The following HERC1 variants were observed in gnomAD, a reference collection of about 807,000 sequenced individuals.
HERC1 encodes HECT and RLD domain containing E3 ubiquitin protein ligase family member 1, also known as probable E3 ubiquitin-protein ligase HERC1.
Under a neutral mutation model 554.3 loss-of-function variants are expected in HERC1, and 160 were observed. The observed-to-expected ratio is 0.29, with a 90% CI of 0.25 to 0.33. The LOEUF (loss-of-function observed/expected upper bound fraction) is 0.33, where lower values mean the gene tolerates loss of function less well. Ranked by LOEUF, HERC1 falls within the 10% of genes least tolerant of loss-of-function variation. The pLI, the probability that HERC1 is intolerant of heterozygous loss-of-function variation, is 1.00. For synonymous variants in HERC1, 2,175 were observed against 2,131.7 expected (o/e 1.02, Z -0.56); for missense variants, 4,919 against 5,918.5 (o/e 0.83, Z 5.54).
intron 1 of HERC1, among the ~76,000 whole-genome samples, chr15:63,817,639 C>A (rs2077535922): frequency 6.6e-6 from 1 of 152,138 alleles, no homozygotes; most frequent in Non-Finnish European, 1.5e-5. Context: ...CGCTTGAACC[C>A]AGGAGTTGGA....
At chr15:63,685,638 T>G (rs1426755755) in intron 34 of HERC1, among the ~76,000 whole-genome samples, 1 of 152,208 alleles carries the variant, frequency 6.6e-6, no homozygotes, top group Non-Finnish European at 1.5e-5. Context: ...AAGGCATAAC[T>G]GAAGTCAATA....
chr15:63,754,554 A>G lies in HERC1; in HGVS notation c.1725T>C (p.Ala575=). Residue 575 remains alanine (A), a synonymous_variant, in exon 7 of 78, where the codon GCT becomes GCC. Coordinates refer to ENST00000443617, the MANE Select transcript of HERC1 (RefSeq NM_003922.4). ...ATACAGTTCTCCCATCTTTAGACAG[A>G]GCAATAGTATGTGAACTGCCACAAG... The part of the protein sequence containing the change: ...EVSCGSSHTI[A]LSKDGRTVWS... 1.2e-6 allele frequency: 2 copies of G among 1,613,658 alleles called. No individual in the cohort carries two copies. Among genetic ancestry groups the G allele is most frequent in the South Asian group, 1.1e-5 (1 of 91,060 alleles).
chr15:63,699,074 C>A, intron 25 of HERC1, 78 bp from the exon 26 acceptor site: 1 of 1,291,144 alleles, frequency 7.7e-7, no homozygotes, highest in East Asian at 2.3e-5. Flanking sequence ...AGGCTGAGTG[C>A]TGCTACCATA....
chr15:63,750,765 C>G (rs1447772719), intron 8 of HERC1, among the ~76,000 whole-genome samples: 1 of 151,886 alleles, frequency 6.6e-6, no homozygotes, highest in Non-Finnish European at 1.5e-5. Flanking sequence ...GACCCGATCT[C>G]CACAAAAATT....
chr15:63,749,493 C>T lies in HERC1; in HGVS notation c.2093G>A (p.Gly698Asp). Residue 698 changes from glycine to aspartate, a missense_variant, in exon 10 of 78, where the codon GGT (glycine) becomes GAT (aspartate). Gly to Asp is a moderately conservative substitution (Grantham distance 94). Around this residue, in one of 11 missense-constraint regions of HERC1, gnomAD observed 744 missense variants for 1,090.0 expected, o/e 0.68. Transcript: ENST00000443617. The surrounding 1 kb of genome is among the most constrained non-coding windows in gnomAD (Gnocchi z 4.1). ...AATAGGACCTGTGGAATTTCCCTGACCACATTGCCCCATTGAGTTATTGCC... is the reference window on the plus strand; with the variant it reads ...AATAGGACCTGTGGAATTTCCCTGATCACATTGCCCCATTGAGTTATTGCC... ...AWGNNSMGQC[G>D]QGNSTGPITK... 1.2e-6 allele frequency: 2 copies of T among 1,613,462 alleles called. No homozygotes were observed. Among genetic ancestry groups the T allele is most frequent in the Non-Finnish European group, 1.7e-6 (2 of 1,179,598 alleles).
chr15:63,828,779 A>G (rs952399127), intron 1 of HERC1, among the ~76,000 whole-genome samples: 3 of 152,222 alleles, frequency 2.0e-5, no homozygotes, highest in African/African-American at 7.2e-5. Context: ...TAACAAATGA[A>G]CTTAATGCAT....
At chr15:63,824,090 G>GT (rs1555454277) in intron 1 of HERC1, among the ~76,000 whole-genome samples, 3 of 152,056 alleles carry the variant, frequency 2.0e-5, no homozygotes, top group Non-Finnish European at 4.4e-5. Context: ...CCACAATGAG[G>GT]TATCACCTGA....
chr15:63,810,881 A>T (rs1034299343), intron 1 of HERC1, among the ~76,000 whole-genome samples: 1 of 152,248 alleles, frequency 6.6e-6, no homozygotes, highest in African/African-American at 2.4e-5. Flanking sequence ...TGATTTAAGG[A>T]GTACATAACA....
chr15:63,797,905 T>C (rs992538169), intron 1 of HERC1, among the ~76,000 whole-genome samples: 1 of 152,236 alleles, frequency 6.6e-6, no homozygotes, highest in African/African-American at 2.4e-5. Flanking sequence ...GCAAGGTGAA[T>C]GGCAGAGTCA....
chr15:63,706,698 A>C, intron 25 of HERC1, 82 bp downstream of exon 25: 1 of 764,018 alleles, frequency 1.3e-6, no homozygotes, highest in Non-Finnish European at 2.0e-6. Flanking sequence ...ACAGCTTCTT[A>C]ATTTATTTAC....
chr15:63,794,148 A>G (rs2144384960), intron 1 of HERC1, among the ~76,000 whole-genome samples: 1 of 152,342 alleles, frequency 6.6e-6, no homozygotes, highest in Non-Finnish European at 1.5e-5. Flanking sequence ...TGTTTAGCAT[A>G]TCATCAACAT....
rs1195063805 is a variant in HERC1, at chr15:63,641,577, T to C, written c.11500A>G (p.Thr3834Ala). The C allele has an allele frequency of 1.2e-6, 2 of 1,603,548 alleles. No individual in the cohort carries two copies. The highest frequency in any genetic ancestry group is 1.7e-6 in the Non-Finnish European group (2 of 1,174,274). ...AGAACACCCTGCTGTTTCAATGCTG[T>C]CCTACAGGTTGCCAAAACATGATTG... is the stretch of plus-strand genomic sequence containing the variant. ...AANHVLATCR[T>A]ALKQQGVLGL... Residue 3834 changes from threonine to alanine, a missense_variant, in exon 60 of 78, where the codon ACA (threonine) becomes GCA (alanine). By Grantham distance (58) the Thr-to-Ala change is moderately conservative. Transcript: ENST00000443617.
intron 3 of HERC1, among the ~76,000 whole-genome samples, chr15:63,763,353 C>G (rs1055524249): frequency 6.6e-6 from 1 of 152,128 alleles, no homozygotes; most frequent in African/African-American, 2.4e-5. Context: ...TACATGTATA[C>G]AGACATAACA....
chr15:63,785,850 T>A (rs2076421538), intron 1 of HERC1, among the ~76,000 whole-genome samples: 2 of 152,018 alleles, frequency 1.3e-5, no homozygotes, highest in Non-Finnish European at 2.9e-5. Context: ...AACAACAGGA[T>A]TGATATCTCA....
chr15:63,685,393 A>G (rs1348972850), intron 34 of HERC1, among the ~76,000 whole-genome samples: 2 of 152,238 alleles, frequency 1.3e-5, no homozygotes, highest in African/African-American at 2.4e-5. Flanking sequence ...TAATAATTAT[A>G]AATTCTTTGT....
At chr15:63,781,550 T>C (rs930261233) in intron 1 of HERC1, among the ~76,000 whole-genome samples, 3 of 152,156 alleles carry the variant, frequency 2.0e-5, no homozygotes, top group East Asian at 1.9e-4. Context: ...AAATGGTACG[T>C]GTTTTGACTG....
At chr15:63,811,186 T>C (rs1356042587) in intron 1 of HERC1, among the ~76,000 whole-genome samples, 1 of 152,196 alleles carries the variant, frequency 6.6e-6, no homozygotes, top group Non-Finnish European at 1.5e-5. Flanking sequence ...GCATATTAGG[T>C]GACAATGAAT....
At chr15:63,687,827 G>C (rs1204229940) in intron 33 of HERC1, among the ~76,000 whole-genome samples, 1 of 152,178 alleles carries the variant, frequency 6.6e-6, no homozygotes, top group African/African-American at 2.4e-5. Flanking sequence ...ACTGAGACCT[G>C]AATGACAAGA....
chr15:63,739,346 C>T (rs531422875), intron 12 of HERC1, among the ~76,000 whole-genome samples: 10 of 151,754 alleles, frequency 6.6e-5, no homozygotes, highest in South Asian at 2.1e-4. Context: ...TACAAGCACA[C>T]GCCACAACGC....
Sources: gnomAD v4.1 joint callset for allele counts (sites outside exome capture counted in the v4.1 genomes callset) on GRCh38, gnomAD v4.1.1 for gene constraint, gnomAD v4.1.1 regional missense constraint, Gnocchi (gnomAD v3.1) non-coding constraint, MANE v1.5 for transcripts, NCBI Gene and HGNC (gene_info 2026-07-23, HGNC 2026-07-21) for gene names.